RNF169: variants seen among roughly 807,000 people sequenced by gnomAD.
RNF169 encodes the protein E3 ubiquitin-protein ligase RNF169.
In RNF169, 24 loss-of-function variants were observed where a neutral mutation model predicts 53.9. The observed-to-expected ratio is 0.45, with a 90% CI of 0.32 to 0.63. The LOEUF is 0.63. RNF169 is among the 20% of genes least tolerant of loss of function. RNF169 has a pLI of 0.04. For synonymous variants in RNF169, 396 were observed against 363.5 expected (o/e 1.09, Z -1.02); for missense variants, 883 against 906.2 (o/e 0.97, Z 0.33).
At chr11:74,761,808 C>G (rs2035087853) in intron 1 of RNF169, among the ~76,000 whole-genome samples, 1 of 146,064 alleles carries the variant, frequency 6.8e-6, no homozygotes, top group East Asian at 2.1e-4. Flanking sequence ...CGAGGAGTAT[C>G]TTTGTGGCGT....
chr11:74,820,169 T>C (rs1348607571), intron 4 of RNF169, among the ~76,000 whole-genome samples: 2 of 151,962 alleles, frequency 1.3e-5, no homozygotes, highest in African/African-American at 4.8e-5. Context: ...GATGCATAAG[T>C]GATGTGATAT....
intron 4 of RNF169, among the ~76,000 whole-genome samples, chr11:74,822,121 C>T (rs1238067401): frequency 6.6e-6 from 1 of 151,486 alleles, no homozygotes; most frequent in Non-Finnish European, 1.5e-5. Context: ...TCCTCTCCAA[C>T]CTTAATTTCT....
chr11:74,774,217 A>G (rs1017329633), intron 1 of RNF169, among the ~76,000 whole-genome samples: 16 of 151,962 alleles, frequency 1.1e-4, no homozygotes, highest in African/African-American at 3.9e-4. Flanking sequence ...ATGGTGGCAC[A>G]TGCCTGTAAT....
rs1008694478 is a variant in RNF169, at chr11:74,781,737, C to CAT, written c.503-7881_503-7880dup. ...GTTGTATGGGGTTGTTAGGCTCATA[C>CAT]ATATATATAAGGCATAGTGGGTAAG... On this transcript the variant is annotated intron_variant, in intron 1 of 5. Transcript: ENST00000299563. 5.1e-4 allele frequency among the ~76,000 whole-genome samples: 77 copies of CAT among 152,266 alleles called. 1 individual carries two copies. The highest frequency in any genetic ancestry group is 1.8e-3 in the African/African-American group (73 of 41,548).
chr11:74,838,365 A>C lies in RNF169; in HGVS notation c.*1635A>C, dbSNP rs1159342351. ...GTGGTTGAGAGAGAGAGAGAATGTA[A>C]TGTCTGAGACTAGCCAGCAGCTATT... On this transcript the variant is annotated 3_prime_UTR_variant, in exon 6 of 6. Transcript: ENST00000299563. 2 of 152,206 alleles carry C rather than the reference A, an allele frequency of 1.3e-5. No individual in the cohort carries two copies. The highest frequency in any genetic ancestry group is 4.8e-5 in the African/African-American group (2 of 41,446). 9.4% of individuals were successfully genotyped at this position (152,206 alleles called of 1,614,324 possible). A position where few individuals can be genotyped will look rare whatever the true frequency, so the allele number is the denominator to read the frequency against.
At chr11:74,801,137 A>T (rs963483104) in intron 2 of RNF169, among the ~76,000 whole-genome samples, 15 of 152,258 alleles carry the variant, frequency 9.9e-5, no homozygotes, top group Admixed American at 9.2e-4. Context: ...ATAGTATCAT[A>T]AATGTGATTT....
intron 1 of RNF169, among the ~76,000 whole-genome samples, chr11:74,779,628 A>G (rs191626479): frequency 6.6e-6 from 1 of 152,074 alleles, no homozygotes; most frequent in African/African-American, 2.4e-5. Context: ...ATTTTATTTT[A>G]TTTTTTGGGG....
chr11:74,759,795 G>A (rs1174281035), intron 1 of RNF169, among the ~76,000 whole-genome samples: 1 of 151,016 alleles, frequency 6.6e-6, no homozygotes, highest in Non-Finnish European at 1.5e-5. Flanking sequence ...TCTCTGCCCG[G>A]CTTTGGTATC....
chr11:74,841,849 C>G lies in RNF169; in HGVS notation c.*5119C>G, dbSNP rs892610949. 2 of 152,206 alleles carry G rather than the reference C, an allele frequency of 1.3e-5. No homozygotes were observed. The highest frequency in any genetic ancestry group is 4.8e-5 in the African/African-American group (2 of 41,440). 9.4% of individuals were successfully genotyped at this position (152,206 alleles called of 1,614,324 possible). On this transcript the variant is annotated 3_prime_UTR_variant, in exon 6 of 6. Coordinates refer to ENST00000299563, the MANE Select transcript of RNF169 (RefSeq NM_001098638.2). ...CAGGCAGATTGCCCCTTCTTGGGGC[C>G]ACCACCCTCCAAAGCTGTGCCACCA...
At chr11:74,751,172 T>G (rs2034889211) in intron 1 of RNF169, among the ~76,000 whole-genome samples, 1 of 151,968 alleles carries the variant, frequency 6.6e-6, no homozygotes, top group South Asian at 2.1e-4. Context: ...TGCTCAGCCC[T>G]CGTTATTCCT....
intron 2 of RNF169, among the ~76,000 whole-genome samples, chr11:74,792,261 A>T (rs1003448563): frequency 6.6e-6 from 1 of 152,248 alleles, no homozygotes; most frequent in Admixed American, 6.5e-5. Flanking sequence ...GAATGTACAC[A>T]TACAATATTT....
At chr11:74,811,702 G>A (rs546399519) in intron 3 of RNF169, among the ~76,000 whole-genome samples, 13 of 152,182 alleles carry the variant, frequency 8.5e-5, no homozygotes, top group African/African-American at 3.1e-4. Flanking sequence ...ATTTTACAGG[G>A]TTTCAACCTT....
At chr11:74,772,189 T>C (rs2035269809) in intron 1 of RNF169, among the ~76,000 whole-genome samples, 1 of 151,282 alleles carries the variant, frequency 6.6e-6, no homozygotes, top group East Asian at 1.9e-4. Context: ...TTTAAAAAAA[T>C]CACTTTTATT....
chr11:74,804,357 T>C (rs897454668), intron 2 of RNF169, among the ~76,000 whole-genome samples: 1 of 152,160 alleles, frequency 6.6e-6, no homozygotes, highest in African/African-American at 2.4e-5. Flanking sequence ...TTTTGTAAAA[T>C]AACAATTTGT....
chr11:74,834,315 TAAAA>T (rs1291287830), intron 4 of RNF169, among the ~76,000 whole-genome samples: 1 of 152,202 alleles, frequency 6.6e-6, no homozygotes, highest in Non-Finnish European at 1.5e-5. Flanking sequence ...TTGGGTCTAA[TAAAA>T]AGAAAAATCT....
At chr11:74,826,753 C>A (rs1188943820) in intron 4 of RNF169, among the ~76,000 whole-genome samples, 1 of 152,246 alleles carries the variant, frequency 6.6e-6, no homozygotes, top group Non-Finnish European at 1.5e-5. Context: ...GTCTGAAATC[C>A]AGCAGGGCAG....
intron 3 of RNF169, among the ~76,000 whole-genome samples, chr11:74,814,286 T>C (rs1331305013): frequency 6.6e-6 from 1 of 151,692 alleles, no homozygotes; most frequent in African/African-American, 2.4e-5. Context: ...GCTGAGATCA[T>C]GCTACTATAC....
chr11:74,774,899 C>T (rs2035310458), intron 1 of RNF169, among the ~76,000 whole-genome samples: 1 of 152,126 alleles, frequency 6.6e-6, no homozygotes, highest in East Asian at 1.9e-4. Context: ...GCAGAGGTTG[C>T]AGTGAGCCGA....
intron 4 of RNF169, among the ~76,000 whole-genome samples, chr11:74,824,707 G>A (rs1199719841): frequency 6.6e-6 from 1 of 152,216 alleles, no homozygotes; most frequent in Non-Finnish European, 1.5e-5. Flanking sequence ...AGCACATGCT[G>A]TTGGAAAAAT....
Sources: gnomAD v4.1 joint callset for allele counts (sites outside exome capture counted in the v4.1 genomes callset) on GRCh38, gnomAD v4.1.1 for gene constraint, MANE v1.5 for transcripts, NCBI Gene and HGNC (gene_info 2026-07-23, HGNC 2026-07-21) for gene names.